The following HS3ST2 variants were observed in gnomAD, a reference collection of about 807,000 sequenced individuals.
The protein encoded by HS3ST2 is heparan sulfate-glucosamine 3-sulfotransferase 2, also known as heparan sulfate glucosamine 3-O-sulfotransferase 2.
A neutral mutation model predicts 26.3 loss-of-function variants in HS3ST2; 17 were observed. The observed-to-expected ratio is 0.65, with a 90% confidence interval of 0.44 to 0.97. The LOEUF (loss-of-function observed/expected upper bound fraction) is 0.97, where lower values mean the gene tolerates loss of function less well. Among genes scored for constraint, HS3ST2 ranks in the 50% least tolerant of loss-of-function variants. The probability of loss-of-function intolerance (pLI) is 0.00; values close to 1 mark genes in which losing one functional copy is unlikely to be tolerated. For synonymous variants in HS3ST2, 237 were observed against 219.2 expected (o/e 1.08, Z -0.72); for missense variants, 402 against 501.2 (o/e 0.80, Z 1.89).
intron 1 of HS3ST2, among the ~76,000 whole-genome samples, chr16:22,877,906 G>T (rs1846692350): frequency 6.6e-6 from 1 of 152,188 alleles, no homozygotes; most frequent in Non-Finnish European, 1.5e-5. Context: ...CTTGCATAGA[G>T]GGGGATAATG....
intron 1 of HS3ST2, among the ~76,000 whole-genome samples, chr16:22,899,453 C>T (rs1236694425): frequency 6.6e-6 from 1 of 152,022 alleles, no homozygotes; most frequent in African/African-American, 2.4e-5. Context: ...CAAGAAAGGG[C>T]AGGGTTTGGT....
chr16:22,882,497 G>T (rs1381403141), intron 1 of HS3ST2, among the ~76,000 whole-genome samples: 1 of 152,196 alleles, frequency 6.6e-6, no homozygotes, highest in Non-Finnish European at 1.5e-5. Flanking sequence ...AATTTGGGAG[G>T]CTGAGACAGG....
At position 22,845,733 on chromosome 16, in the gene HS3ST2, T is replaced by C. The variant is rs114030268; in HGVS notation, c.485+30638T>C. 5.0e-3 allele frequency among the ~76,000 whole-genome samples: 757 copies of C among 152,338 alleles called. 13 individuals carry two copies. Among genetic ancestry groups the C allele is most frequent in the African/African-American group, 0.017 (718 of 41,580 alleles). On this transcript the variant is annotated intron_variant, in intron 1 of 1. Transcript: ENST00000261374. ...TACTTTGCTGTCAGTCCTCATAATGTCTCTTTCATCATGGCAACATTTGTT... is the reference window on the plus strand; with the variant it reads ...TACTTTGCTGTCAGTCCTCATAATGCCTCTTTCATCATGGCAACATTTGTT...
intron 1 of HS3ST2, among the ~76,000 whole-genome samples, chr16:22,877,428 A>C (rs148367991): frequency 1.3e-5 from 2 of 152,186 alleles, no homozygotes; most frequent in South Asian, 4.1e-4. Context: ...CAGACTGGTT[A>C]TAAGTGGGCC....
intron 1 of HS3ST2, among the ~76,000 whole-genome samples, chr16:22,866,601 C>G (rs1203438277): frequency 6.6e-6 from 1 of 151,782 alleles, no homozygotes; most frequent in Non-Finnish European, 1.5e-5. Flanking sequence ...AAGACCCCGT[C>G]TCTACAAAGG....
intron 1 of HS3ST2, among the ~76,000 whole-genome samples, chr16:22,885,416 G>A (rs1487421753): frequency 1.3e-5 from 2 of 151,430 alleles, no homozygotes; most frequent in African/African-American, 2.4e-5. Flanking sequence ...CTCACTCTAT[G>A]TCATTGTGGA....
At chr16:22,824,898 C>A (rs752615794) in intron 1 of HS3ST2, among the ~76,000 whole-genome samples, 1 of 152,066 alleles carries the variant, frequency 6.6e-6, no homozygotes, top group Non-Finnish European at 1.5e-5. Flanking sequence ...AACCCCAGAT[C>A]AACCCTGAGG....
chr16:22,851,789 C>T (rs1184497528), intron 1 of HS3ST2, among the ~76,000 whole-genome samples: 2 of 152,194 alleles, frequency 1.3e-5, no homozygotes, highest in Non-Finnish European at 2.9e-5. Context: ...TCCCATCTCC[C>T]CTCCACTGGG....
At chr16:22,846,799 T>A (rs76954612) in intron 1 of HS3ST2, among the ~76,000 whole-genome samples, 19,250 of 150,848 alleles carry the variant, frequency 0.13, 1,210 homozygotes, top group South Asian at 0.22. Flanking sequence ...AACCTTAATG[T>A]AAAAAAAAAT....
At chr16:22,844,438 C>T (rs1472694838) in intron 1 of HS3ST2, among the ~76,000 whole-genome samples, 1 of 152,156 alleles carries the variant, frequency 6.6e-6, no homozygotes, top group East Asian at 1.9e-4. Flanking sequence ...ATTCCCAACT[C>T]TATGCAGAGT....
chr16:22,816,082 T>G (rs2141171700), intron 1 of HS3ST2, among the ~76,000 whole-genome samples: 1 of 152,322 alleles, frequency 6.6e-6, no homozygotes, highest in East Asian at 1.9e-4. Context: ...CGTCCACGCC[T>G]CAATGCCTTT....
At chr16:22,821,849 T>C (rs1236723179) in intron 1 of HS3ST2, among the ~76,000 whole-genome samples, 2 of 152,166 alleles carry the variant, frequency 1.3e-5, no homozygotes, top group Non-Finnish European at 2.9e-5. Flanking sequence ...TTATTAAGTA[T>C]GTTTTTCCAG....
intron 1 of HS3ST2, among the ~76,000 whole-genome samples, chr16:22,871,130 G>A (rs1359837774): frequency 6.6e-6 from 1 of 152,184 alleles, no homozygotes; most frequent in Non-Finnish European, 1.5e-5. Context: ...GACCCAGGCA[G>A]GTGGATCACG....
chr16:22,894,627 G>A (rs909440636), intron 1 of HS3ST2, among the ~76,000 whole-genome samples: 2 of 152,016 alleles, frequency 1.3e-5, no homozygotes, highest in Non-Finnish European at 2.9e-5. Context: ...GCCGGGTGCA[G>A]TGACTCACGC....
At chr16:22,864,997 G>A (rs1350410208) in intron 1 of HS3ST2, among the ~76,000 whole-genome samples, 1 of 140,586 alleles carries the variant, frequency 7.1e-6, no homozygotes, top group Non-Finnish European at 1.5e-5. Flanking sequence ...GCTGCAGTGA[G>A]CCATGACCCT....
intron 1 of HS3ST2, among the ~76,000 whole-genome samples, chr16:22,871,354 CA>C (rs35724979): frequency 0.55 from 72,625 of 131,416 alleles, 18,519 homozygotes; most frequent in African/African-American, 0.66. Flanking sequence ...CACTCTGTTT[CA>C]AAAAAAAAAA....
At chr16:22,819,802 A>C (rs962967317) in intron 1 of HS3ST2, among the ~76,000 whole-genome samples, 1 of 152,280 alleles carries the variant, frequency 6.6e-6, no homozygotes, top group Admixed American at 6.5e-5. Context: ...AAAAGCCCAG[A>C]ATAAGATCTA....
chr16:22,863,061 C>T (rs982389834), intron 1 of HS3ST2, among the ~76,000 whole-genome samples: 16 of 152,216 alleles, frequency 1.1e-4, no homozygotes, highest in Admixed American at 2.0e-4. Context: ...TTGTCCTGGG[C>T]CTCCAATGAG....
At chr16:22,872,847 A>C (rs374236955) in intron 1 of HS3ST2, among the ~76,000 whole-genome samples, 1 of 152,168 alleles carries the variant, frequency 6.6e-6, no homozygotes. Flanking sequence ...TATAAGAGTC[A>C]CATTGTATAA....
Sources: allele counts gnomAD v4.1 joint callset (sites outside exome capture counted in the v4.1 genomes callset), GRCh38; gene constraint gnomAD v4.1.1; transcripts MANE v1.5; gene names NCBI Gene and HGNC (gene_info 2026-07-23, HGNC 2026-07-21).